Variants in SFMBT2 observed in about 807,000 individuals in gnomAD.
SFMBT2 encodes the protein Scm like with four mbt domains 2.
SFMBT2 carries 38 observed loss-of-function variants against 110.1 expected under a neutral mutation model. The ratio of observed to expected loss-of-function variants is 0.35; its 90% CI spans 0.27 to 0.45. The LOEUF (loss-of-function observed/expected upper bound fraction) is 0.45. Ranked by LOEUF, SFMBT2 falls within the 20% of genes least tolerant of loss-of-function variation. The pLI is 1.00. For missense variants in SFMBT2, 1,011 were observed against 1,094.9 expected, an observed-to-expected ratio of 0.92 and a Z score of 1.08; for synonymous variants, 425 against 425.4, an observed-to-expected ratio of 1.00 and a Z score of 0.01.
chr10:7,252,358 T>C (rs553029287), intron 7 of SFMBT2, among the ~76,000 whole-genome samples: 2 of 152,090 alleles, frequency 1.3e-5, no homozygotes, highest in African/African-American at 4.8e-5. Context: ...GATAACCCTA[T>C]CCACTCAGGG....
intron 4 of SFMBT2, among the ~76,000 whole-genome samples, chr10:7,336,023 A>G (rs922716833): frequency 1.3e-5 from 2 of 152,274 alleles, no homozygotes; most frequent in Non-Finnish European, 2.9e-5. Context: ...ACTGGCTAGT[A>G]CAAAGTATCA....
intron 4 of SFMBT2, among the ~76,000 whole-genome samples, chr10:7,310,229 G>A (rs1842811243): frequency 6.6e-6 from 1 of 152,196 alleles, no homozygotes; most frequent in Non-Finnish European, 1.5e-5. Flanking sequence ...TACACAGAAA[G>A]ACCTCTCCGA....
At position 7,170,864 on chromosome 10, in the gene SFMBT2, C is replaced by T; in HGVS notation, c.2544+64G>A. 13 of 1,603,536 alleles carry T rather than the reference C, an allele frequency of 8.1e-6. No homozygotes were observed. In the Middle Eastern group the frequency reaches 5.0e-4, roughly 61 times the overall value. ...TGTCACGAGGAAGCCGGCTAGGACA[C>T]GAGGTTCATTTCAGATGCAGAGTCT... On this transcript the variant is annotated intron_variant, in intron 20 of 20. Coordinates refer to ENST00000397167, the MANE Select transcript of SFMBT2 (RefSeq NM_001387889.1). The surrounding 1 kb of genome is among the most constrained non-coding windows in gnomAD (Gnocchi z 4.6).
intron 13 of SFMBT2, chr10:7,200,965 TA>T: frequency 2.1e-6 from 1 of 487,164 alleles, no homozygotes; most frequent in Non-Finnish European, 2.7e-6. Flanking sequence ...AGAAAATCTA[TA>T]AACTGGCATA....
intron 4 of SFMBT2, among the ~76,000 whole-genome samples, chr10:7,332,328 G>GA (rs1210509560): frequency 7.2e-5 from 11 of 152,208 alleles, no homozygotes; most frequent in Non-Finnish European, 1.5e-4. Context: ...ACGAATGTGT[G>GA]TTAATAAGAC....
chr10:7,163,519 A>AGT lies in SFMBT2; in HGVS notation c.*250_*251insAC. ...AAGGCAAAACGTGGGTGAGCCAAGA[A>AGT]GCAGGCCCACGTCTGGCAGGGTCTG... On this transcript the variant is annotated 3_prime_UTR_variant, in exon 21 of 21. Transcript: ENST00000397167. This position sits in a 1 kb window ranked among gnomAD's most constrained non-coding sequence, Gnocchi z 4.8. The AGT allele has an allele frequency of 2.4e-6, 1 of 419,910 alleles. No homozygotes were observed. 26.0% of individuals were successfully genotyped at this position (419,910 alleles called of 1,614,324 possible). A position where few individuals can be genotyped will look rare whatever the true frequency, so the allele number is the denominator to read the frequency against.
At chr10:7,203,756 C>T (rs1479570694) in intron 12 of SFMBT2, 2 of 743,542 alleles carry the variant, frequency 2.7e-6, no homozygotes, top group Non-Finnish European at 1.6e-6. Flanking sequence ...CGCTCTGTCA[C>T]CCAGGCTGGA....
rs56181512 is a variant in SFMBT2, at chr10:7,317,641, C to CA, written c.437-31688dup. Among the ~76,000 whole-genome samples the CA allele has an allele frequency of 9.7e-5, 9 of 92,836 alleles. No homozygotes were observed. In the East Asian group the frequency reaches 2.8e-3, roughly 29 times the overall value. The allele number at this position is 92,836 out of a possible 152,430, so 60.9% of individuals were successfully genotyped here. On this transcript the variant is annotated intron_variant, in intron 4 of 20. Coordinates refer to ENST00000397167, the MANE Select transcript of SFMBT2 (RefSeq NM_001387889.1). The stretch of plus-strand genomic sequence containing the variant: ...GGGCAACAAGAACAAAACTCCGTCT[C>CA]AAAAAAAAAAAAAAAAAGTACACAT...
intron 11 of SFMBT2, among the ~76,000 whole-genome samples, chr10:7,216,302 G>C (rs1454522567): frequency 6.6e-6 from 1 of 152,188 alleles, no homozygotes; most frequent in Non-Finnish European, 1.5e-5. Flanking sequence ...GGGGCCTGGT[G>C]GGAGATAACT....
chr10:7,271,926 C>T (rs555479275), intron 7 of SFMBT2, among the ~76,000 whole-genome samples: 118 of 152,296 alleles, frequency 7.7e-4, no homozygotes, highest in South Asian at 2.7e-3. Context: ...TATTTCCCAC[C>T]GGGTCCCTCC....
chr10:7,288,551 T>G (rs1376981653), intron 4 of SFMBT2, among the ~76,000 whole-genome samples: 1 of 152,144 alleles, frequency 6.6e-6, no homozygotes, highest in African/African-American at 2.4e-5. Flanking sequence ...TACACCCTTT[T>G]TAAAAGTGGC....
At chr10:7,237,728 G>A (rs1840301699) in intron 9 of SFMBT2, among the ~76,000 whole-genome samples, 1 of 152,166 alleles carries the variant, frequency 6.6e-6, no homozygotes, top group South Asian at 2.1e-4. Flanking sequence ...TCATTTTAGT[G>A]GGGGAGATGA....
At chr10:7,320,599 C>T (rs1241385588) in intron 4 of SFMBT2, 1 of 985,082 alleles carries the variant, frequency 1.0e-6, no homozygotes, top group Non-Finnish European at 1.2e-6. Flanking sequence ...CTGCTGAGAG[C>T]CAATATATGG....
chr10:7,377,423 T>C (rs894388324), intron 2 of SFMBT2, among the ~76,000 whole-genome samples: 2 of 152,260 alleles, frequency 1.3e-5, no homozygotes, highest in Non-Finnish European at 2.9e-5. Context: ...TTCAGGACAA[T>C]TCAAGCACAT....
At chr10:7,271,631 G>A (rs140902132) in intron 7 of SFMBT2, among the ~76,000 whole-genome samples, 1,660 of 152,218 alleles carry the variant, frequency 0.011, 12 homozygotes, top group South Asian at 0.031. Context: ...AGATGAGTAG[G>A]ACTTTAACAG....
chr10:7,212,667 A>G (rs1839387607), intron 11 of SFMBT2, among the ~76,000 whole-genome samples: 1 of 152,236 alleles, frequency 6.6e-6, no homozygotes, highest in African/African-American at 2.4e-5. Flanking sequence ...AAGAGACTCT[A>G]TCACTAGCTG....
chr10:7,223,046 T>C (rs556341647), intron 10 of SFMBT2, among the ~76,000 whole-genome samples: 1 of 152,228 alleles, frequency 6.6e-6, no homozygotes, highest in South Asian at 2.1e-4. Flanking sequence ...AAAGACCGTA[T>C]CTCCAAAGAC....
intron 2 of SFMBT2, among the ~76,000 whole-genome samples, chr10:7,378,638 A>G: frequency 1.1e-5 from 1 of 87,978 alleles, no homozygotes; most frequent in Non-Finnish European, 2.3e-5. Context: ...GGATGGGTGG[A>G]TGGATGGGTG....
chr10:7,228,789 C>CCT (rs71382094), intron 9 of SFMBT2, among the ~76,000 whole-genome samples: 1 of 108,564 alleles, frequency 9.2e-6, no homozygotes, highest in Admixed American at 9.5e-5. Flanking sequence ...TCTCCCCCTC[C>CCT]CTCTCTCTCT....
Sources: gnomAD v4.1 joint callset for allele counts (sites outside exome capture counted in the v4.1 genomes callset) on GRCh38, gnomAD v4.1.1 for gene constraint, Gnocchi (gnomAD v3.1) non-coding constraint, MANE v1.5 for transcripts, NCBI Gene and HGNC (gene_info 2026-07-23, HGNC 2026-07-21) for gene names.